The following PINX1 variants were observed in gnomAD, a reference collection of about 807,000 sequenced individuals.
PINX1 encodes the protein PIN2 (TERF1) interacting telomerase inhibitor 1, also known as PIN2/TERF1-interacting telomerase inhibitor 1.
PINX1 carries 34 observed loss-of-function variants against 25.4 expected under a neutral mutation model. The ratio of observed to expected loss-of-function variants is 1.34; its 90% CI spans 1.02 to 1.78. PINX1 has a LOEUF of 1.78. Ranked by LOEUF, PINX1 falls within the 40% of genes most tolerant of loss-of-function variation. The probability of loss-of-function intolerance (pLI) is 0.00; values close to 1 mark genes in which losing one functional copy is unlikely to be tolerated. For missense variants in PINX1, 592 were observed against 404.9 expected, an observed-to-expected ratio of 1.46 and a Z score of -3.97; for synonymous variants, 197 against 147.7, an observed-to-expected ratio of 1.33 and a Z score of -2.42.
chr8:10,817,723 C>A (rs1248205006), intron 6 of PINX1, among the ~76,000 whole-genome samples: 1 of 152,128 alleles, frequency 6.6e-6, no homozygotes, highest in Non-Finnish European at 1.5e-5. Flanking sequence ...GCTCTCAGCC[C>A]CCGCCCAGGC....
intron 6 of PINX1, among the ~76,000 whole-genome samples, chr8:10,811,978 T>C (rs182004463): frequency 6.6e-6 from 1 of 152,246 alleles, no homozygotes; most frequent in African/African-American, 2.4e-5. Flanking sequence ...ACTGAGGCCA[T>C]CTTTGGAAAA....
At chr8:10,798,970 C>G (rs1054065973) in intron 6 of PINX1, among the ~76,000 whole-genome samples, 2 of 152,156 alleles carry the variant, frequency 1.3e-5, no homozygotes, top group African/African-American at 4.8e-5. Context: ...GCACAAGCAG[C>G]AATGATTTGA....
intron 6 of PINX1, among the ~76,000 whole-genome samples, chr8:10,819,559 C>A (rs866428674): frequency 6.6e-6 from 1 of 152,180 alleles, no homozygotes; most frequent in Admixed American, 6.5e-5. Context: ...CACTTCAAAA[C>A]AGCACAAAAA....
At chr8:10,794,983 T>C (rs1352188796) in intron 6 of PINX1, among the ~76,000 whole-genome samples, 1 of 152,076 alleles carries the variant, frequency 6.6e-6, no homozygotes, top group Non-Finnish European at 1.5e-5. Context: ...TAAAGGAGGG[T>C]GACGCTAGAA....
chr8:10,772,229 A>G (rs1347786107), intron 6 of PINX1, among the ~76,000 whole-genome samples: 1 of 152,266 alleles, frequency 6.6e-6, no homozygotes, highest in Non-Finnish European at 1.5e-5. Flanking sequence ...AAGTTCCACC[A>G]GCAGCCTCTG....
At chr8:10,827,378 G>A (rs1380482284) in intron 4 of PINX1, among the ~76,000 whole-genome samples, 4 of 152,082 alleles carry the variant, frequency 2.6e-5, no homozygotes, top group African/African-American at 7.2e-5. Context: ...GAGTGGTAAC[G>A]CCTTTGACGG....
intron 5 of PINX1, among the ~76,000 whole-genome samples, chr8:10,822,292 T>C (rs1334747231): frequency 6.6e-6 from 1 of 152,178 alleles, no homozygotes; most frequent in Non-Finnish European, 1.5e-5. Flanking sequence ...TTTGAATAAA[T>C]ACGACAAATT....
intron 6 of PINX1, among the ~76,000 whole-genome samples, chr8:10,776,806 G>A (rs1173089305): frequency 2.0e-5 from 3 of 152,146 alleles, no homozygotes; most frequent in East Asian, 1.9e-4. Context: ...GGCTGGAGAC[G>A]CTGGAGACGC....
chr8:10,777,875 G>A (rs1183588090), intron 6 of PINX1, among the ~76,000 whole-genome samples: 1 of 152,174 alleles, frequency 6.6e-6, no homozygotes, highest in Non-Finnish European at 1.5e-5. Context: ...AGACTGCGGG[G>A]TCCAGGTTGC....
intron 1 of PINX1, among the ~76,000 whole-genome samples, chr8:10,839,521 G>A (rs935858803): frequency 6.6e-6 from 1 of 152,340 alleles, no homozygotes; most frequent in Admixed American, 6.5e-5. Flanking sequence ...GTCTCCGGGA[G>A]ACACTTGCGG....
chr8:10,816,274 G>C (rs988697841), intron 6 of PINX1, among the ~76,000 whole-genome samples: 1 of 152,174 alleles, frequency 6.6e-6, no homozygotes, highest in Non-Finnish European at 1.5e-5. Flanking sequence ...AACCACTGGG[G>C]AAAACCAGAT....
rs114831206 is a variant in PINX1 at position 10,767,724 on chromosome 8, G to A, written c.472-1808C>T. Among the ~76,000 whole-genome samples the A allele has an allele frequency of 8.8e-3, 1,331 of 150,650 alleles. 24 individuals carry two copies. Among genetic ancestry groups the A allele is most frequent in the African/African-American group, 0.031 (1,263 of 40,292 alleles). ...CCTCCCAAAGACGGGCACCCTCACA[G>A]CCACAGAGACAGGCTCGGTGACCAG... On this transcript the variant is annotated intron_variant, in intron 6 of 6. Transcript: ENST00000314787.
At chr8:10,791,706 C>G (rs1267180303) in intron 6 of PINX1, among the ~76,000 whole-genome samples, 1 of 152,208 alleles carries the variant, frequency 6.6e-6, no homozygotes, top group Non-Finnish European at 1.5e-5. Flanking sequence ...CTTGGGCGAT[C>G]TGCTGGCCCC....
intron 6 of PINX1, among the ~76,000 whole-genome samples, chr8:10,815,147 G>A (rs571976022): frequency 2.0e-5 from 3 of 152,024 alleles, no homozygotes; most frequent in South Asian, 4.1e-4. Flanking sequence ...TCACTATGTT[G>A]CCCAGGCTGG....
chr8:10,826,739 G>A (rs1406796655), intron 4 of PINX1, among the ~76,000 whole-genome samples: 1 of 152,134 alleles, frequency 6.6e-6, no homozygotes, highest in Non-Finnish European at 1.5e-5. Context: ...TTAGTCAGAG[G>A]TCCATCTACA....
chr8:10,791,843 G>A (rs989505836), intron 6 of PINX1, among the ~76,000 whole-genome samples: 3 of 152,182 alleles, frequency 2.0e-5, no homozygotes, highest in Non-Finnish European at 1.5e-5. Context: ...GTGCTGCCGC[G>A]GTTCCTGCCT....
At chr8:10,825,157 G>C (rs1203772402) in intron 5 of PINX1, among the ~76,000 whole-genome samples, 1 of 152,158 alleles carries the variant, frequency 6.6e-6, no homozygotes, top group Non-Finnish European at 1.5e-5. Context: ...TTGGGCTCCT[G>C]GCCCTAAATG....
At chr8:10,820,362 CT>C in intron 5 of PINX1, 93 bp from the exon 6 acceptor site, 1 of 861,112 alleles carries the variant, frequency 1.2e-6, no homozygotes. Context: ...AGGAAAATGG[CT>C]TTTGGGAAAG....
At chr8:10,803,214 G>C (rs914022698) in intron 6 of PINX1, among the ~76,000 whole-genome samples, 1 of 152,080 alleles carries the variant, frequency 6.6e-6, no homozygotes, top group African/African-American at 2.4e-5. Flanking sequence ...AATATTTTAA[G>C]GTGAATCCCA....
Sources: allele counts gnomAD v4.1 joint callset (sites outside exome capture counted in the v4.1 genomes callset), GRCh38; gene constraint gnomAD v4.1.1; transcripts MANE v1.5; gene names NCBI Gene and HGNC (gene_info 2026-07-23, HGNC 2026-07-21).